The following TENM3 variants were observed in gnomAD, a reference collection of about 807,000 sequenced individuals.
The protein encoded by TENM3 is teneurin transmembrane protein 3, also known as teneurin-3.
Under a neutral mutation model 255.1 loss-of-function variants are expected in TENM3, and 63 were observed. The ratio of observed to expected loss-of-function variants is 0.25; its 90% CI spans 0.20 to 0.30. The LOEUF is 0.30. Ranked by LOEUF, TENM3 falls within the 10% of genes least tolerant of loss-of-function variation. The probability of loss-of-function intolerance (pLI) is 1.00; values close to 1 mark genes in which losing one functional copy is unlikely to be tolerated. For missense variants in TENM3, 2,929 were observed against 3,461.1 expected, an observed-to-expected ratio of 0.85 and a Z score of 3.86; for synonymous variants, 1,306 against 1,322.3, an observed-to-expected ratio of 0.99 and a Z score of 0.27.
intron 1 of TENM3, among the ~76,000 whole-genome samples, chr4:182,318,941 AT>A (rs1373731218): frequency 6.6e-6 from 1 of 151,374 alleles, no homozygotes; most frequent in Non-Finnish European, 1.5e-5. Context: ...CTAATTTTTG[AT>A]TTTTTTATAG....
chr4:182,300,519 G>A (rs1220386403), intron 1 of TENM3, among the ~76,000 whole-genome samples: 1 of 152,194 alleles, frequency 6.6e-6, no homozygotes, highest in East Asian at 1.9e-4. Context: ...TTTTGCCACT[G>A]ACTGGAGTGG....
chr4:182,722,763 C>T (rs767376536), intron 13 of TENM3, among the ~76,000 whole-genome samples: 9 of 152,116 alleles, frequency 5.9e-5, no homozygotes, highest in Non-Finnish European at 1.2e-4. Context: ...AAGACTGGAA[C>T]CTGGGAAAAC....
chr4:182,450,449 C>A (rs903084468), intron 3 of TENM3, among the ~76,000 whole-genome samples: 1 of 152,038 alleles, frequency 6.6e-6, no homozygotes, highest in African/African-American at 2.4e-5. Flanking sequence ...GCGACTGCAG[C>A]GTTCAAAACA....
At chr4:182,774,808 C>A in intron 23 of TENM3, 110 bp from the exon 24 acceptor site, 1 of 692,380 alleles carries the variant, frequency 1.4e-6, no homozygotes, top group Non-Finnish European at 2.5e-6. Context: ...TCATCAGGTA[C>A]TCCTTATTCC....
the TENM3 span, among the ~76,000 whole-genome samples, chr4:182,066,640 G>A: frequency 1.3e-5 from 2 of 150,778 alleles, no homozygotes; most frequent in East Asian, 1.9e-4. Context: ...GCCAGGCGCG[G>A]TGGCTCATGC....
At chr4:182,685,961 T>A (rs1218303720) in intron 11 of TENM3, among the ~76,000 whole-genome samples, 1 of 152,048 alleles carries the variant, frequency 6.6e-6, no homozygotes, top group Non-Finnish European at 1.5e-5. Flanking sequence ...ATTAAAAGAT[T>A]AAATTGGCTG....
intron 1 of TENM3, among the ~76,000 whole-genome samples, chr4:182,191,448 C>T (rs576081304): frequency 1.3e-5 from 2 of 152,204 alleles, no homozygotes; most frequent in African/African-American, 2.4e-5. Context: ...TCTCAGATGC[C>T]GCCTCCCTTA....
chr4:181,832,516 C>T, the TENM3 span, among the ~76,000 whole-genome samples: 1 of 152,156 alleles, frequency 6.6e-6, no homozygotes, highest in Admixed American at 6.5e-5. Flanking sequence ...CCTCTTAGCT[C>T]TCTCCACCTC....
At chr4:182,159,407 G>T (rs1192163181) in intron 1 of TENM3, among the ~76,000 whole-genome samples, 1 of 151,902 alleles carries the variant, frequency 6.6e-6, no homozygotes, top group African/African-American at 2.4e-5. Context: ...GGAGGTCCTA[G>T]TGGAGCCAGG....
chr4:182,175,738 G>C (rs935997938), intron 1 of TENM3, among the ~76,000 whole-genome samples: 20 of 152,224 alleles, frequency 1.3e-4, no homozygotes, highest in Non-Finnish European at 1.5e-5. Context: ...GGAAGAACCA[G>C]TGTAATTGGT....
chr4:181,853,967 T>A, the TENM3 span, among the ~76,000 whole-genome samples: 15 of 152,202 alleles, frequency 9.9e-5, no homozygotes, highest in Admixed American at 3.3e-4. Context: ...CAGGATTTTT[T>A]AAATGTTTTA....
At chr4:181,902,430 C>T in the TENM3 span, among the ~76,000 whole-genome samples, 1 of 151,974 alleles carries the variant, frequency 6.6e-6, no homozygotes, top group East Asian at 1.9e-4. Context: ...AGTCTTTGCC[C>T]CAAAGGATTG....
intron 5 of TENM3, among the ~76,000 whole-genome samples, chr4:182,636,149 A>G (rs1476418736): frequency 1.3e-5 from 2 of 152,138 alleles, no homozygotes; most frequent in East Asian, 3.9e-4. Context: ...TTTGTCTGAG[A>G]TGGTATGGAA....
chr4:182,245,132 T>C (rs1757557503), intron 1 of TENM3, among the ~76,000 whole-genome samples: 1 of 152,134 alleles, frequency 6.6e-6, no homozygotes, highest in Admixed American at 6.6e-5. Context: ...ATACTGAGGG[T>C]CTGCATGCTG....
the TENM3 span, among the ~76,000 whole-genome samples, chr4:181,657,791 T>A: frequency 2.0e-5 from 2 of 102,312 alleles, no homozygotes; most frequent in African/African-American, 7.7e-5. Context: ...TGGAATACTA[T>A]GCAACTATAT....
chr4:182,199,924 G>T (rs1008367069), intron 1 of TENM3, among the ~76,000 whole-genome samples: 2 of 151,738 alleles, frequency 1.3e-5, no homozygotes, highest in African/African-American at 4.8e-5. Flanking sequence ...ACAGGGTTTC[G>T]CCATGTTGCC....
chr4:181,717,733 G>T, the TENM3 span, among the ~76,000 whole-genome samples: 4 of 152,146 alleles, frequency 2.6e-5, no homozygotes, highest in Admixed American at 1.3e-4. Context: ...GGTATTGTTT[G>T]CATCTGGTAT....
chr4:181,484,724 G>A, the TENM3 span, among the ~76,000 whole-genome samples: 4 of 152,148 alleles, frequency 2.6e-5, no homozygotes, highest in East Asian at 7.7e-4. Flanking sequence ...ATAAAGATCA[G>A]AACTAATTTT....
At chr4:182,098,704 G>A in the TENM3 span, among the ~76,000 whole-genome samples, 1 of 152,022 alleles carries the variant, frequency 6.6e-6, no homozygotes, top group Non-Finnish European at 1.5e-5. Flanking sequence ...AGAAGGGGGT[G>A]GTTAATGGAT....
Sources: gnomAD v4.1 joint callset for allele counts (sites outside exome capture counted in the v4.1 genomes callset) on GRCh38, gnomAD v4.1.1 for gene constraint, MANE v1.5 for transcripts, NCBI Gene and HGNC (gene_info 2026-07-23, HGNC 2026-07-21) for gene names.